C3orf38: variants seen among roughly 807,000 people sequenced by gnomAD.
C3orf38 encodes uncharacterized protein C3orf38.
In C3orf38, 18 loss-of-function variants were observed where a neutral mutation model predicts 28.3. The ratio of observed to expected loss-of-function variants is 0.64; its 90% confidence interval spans 0.44 to 0.94. C3orf38 has a LOEUF of 0.94. Among genes scored for constraint, C3orf38 ranks in the 40% least tolerant of loss-of-function variants. C3orf38 has a pLI of 0.00. For synonymous variants in C3orf38, 145 were observed against 138.1 expected (o/e 1.05, Z -0.35); for missense variants, 364 against 396.4 (o/e 0.92, Z 0.69).
At chr3:88,151,326 A>G (rs1260041192) in intron 1 of C3orf38, among the ~76,000 whole-genome samples, 1 of 151,994 alleles carries the variant, frequency 6.6e-6, no homozygotes, top group African/African-American at 2.4e-5. Context: ...ATATATATAT[A>G]TAAACTATAA....
intron 2 of C3orf38, among the ~76,000 whole-genome samples, chr3:88,154,581 G>T (rs1304111571): frequency 6.6e-6 from 1 of 152,150 alleles, no homozygotes; most frequent in African/African-American, 2.4e-5. Flanking sequence ...CAGTGAGAAA[G>T]CTTTGCCTTC....
chr3:88,156,751 T>C lies in C3orf38; in HGVS notation c.*116T>C, dbSNP rs1450431525. 2.9e-6 allele frequency: 3 copies of C among 1,038,988 alleles called. No homozygotes were observed. The highest frequency in any genetic ancestry group is 4.8e-5 in the East Asian group (2 of 41,808). 64.4% of individuals were successfully genotyped at this position (1,038,988 alleles called of 1,614,324 possible). A position where few individuals can be genotyped will look rare whatever the true frequency, so the allele number is the denominator to read the frequency against. ...TCTATACAGAAACTCTTCCAAATAC[T>C]ATATCAGTAATGTCTGAATGATTTC... is the stretch of plus-strand genomic sequence containing the variant. On this transcript the variant is annotated 3_prime_UTR_variant, in exon 3 of 3. Transcript: ENST00000318887.
chr3:88,155,975 T>C (rs1276776687), intron 2 of C3orf38, 46 bp from the exon 3 acceptor site: 1 of 1,424,240 alleles, frequency 7.0e-7, no homozygotes, highest in Admixed American at 2.4e-5. Context: ...GATATGAAAG[T>C]TAAACCTTAG....
rs1163523750 is a variant in C3orf38 at position 88,156,272 on chromosome 3, A to G, written c.627A>G (p.Glu209=). ...GTTTGCTGTCACTAGTAAAAGAAGA[A>G]TTTCTTTTTCTCAGCCCCAACCTAG... ...SLRLLSLVKE[E]FLFLSPNLDS... is the part of the protein sequence containing the mutation. Residue 209 remains glutamate, a synonymous_variant, in exon 3 of 3, where the codon GAA becomes GAG. Transcript: ENST00000318887. 1 of 1,614,176 alleles carries G rather than the reference A, an allele frequency of 6.2e-7. No individual in the cohort carries two copies.
chr3:88,155,489 C>T (rs1410422958), intron 2 of C3orf38, among the ~76,000 whole-genome samples: 16 of 144,560 alleles, frequency 1.1e-4, no homozygotes, highest in African/African-American at 2.5e-4. Flanking sequence ...CACGGAGTCT[C>T]GCTCTGTTGC....
rs1707502664 is a variant in C3orf38, at chr3:88,157,955, G to T, written c.*1320G>T. ...TTAATAAAGGAGGGAAATCCCTTTT[G>T]TCTGCTATAAGAATAGTGTATCGTT... On this transcript the variant is annotated 3_prime_UTR_variant, in exon 3 of 3. Coordinates refer to ENST00000318887, the MANE Select transcript of C3orf38 (RefSeq NM_173824.4). 1 of 152,082 alleles carries T rather than the reference G, an allele frequency of 6.6e-6. No individual in the cohort carries two copies. Among genetic ancestry groups the T allele is most frequent in the African/African-American group, 2.4e-5 (1 of 41,436 alleles). 9.4% of individuals were successfully genotyped at this position (152,082 alleles called of 1,614,324 possible). A position where few individuals can be genotyped will look rare whatever the true frequency, so the allele number is the denominator to read the frequency against.
chr3:88,155,945 A>G (rs1194064179), intron 2 of C3orf38, 76 bp from the exon 3 acceptor site: 1 of 1,201,678 alleles, frequency 8.3e-7, no homozygotes, highest in East Asian at 2.5e-5. Context: ...TTCAAACTTA[A>G]TAGGCTAGAT....
At chr3:88,152,897 A>G (rs1470019394) in intron 1 of C3orf38, among the ~76,000 whole-genome samples, 20 of 152,302 alleles carry the variant, frequency 1.3e-4, no homozygotes, top group African/African-American at 4.8e-4. Flanking sequence ...GAGGTTGTGC[A>G]TGAATTTAGG....
In C3orf38 at chr3:88,150,203, A is replaced by C. The variant is rs1576368065; in HGVS notation, c.133+18A>C. 1 of 1,612,476 alleles carries C rather than the reference A, an allele frequency of 6.2e-7. No homozygotes were observed. ...CCGCCAAGGTAAGGGCGGACCCTTC[A>C]CCTAGAAGGCTGCCGCCCCTTCCCC... is the stretch of plus-strand genomic sequence containing the variant. On this transcript the variant is annotated intron_variant, in intron 1 of 2. Coordinates refer to ENST00000318887, the MANE Select transcript of C3orf38 (RefSeq NM_173824.4).
Position 88,153,211 on chromosome 3 carries a change from C to A in C3orf38, c.134-19C>A. 1 of 1,593,660 alleles carries A rather than the reference C, an allele frequency of 6.3e-7. No individual in the cohort carries two copies. Among genetic ancestry groups the A allele is most frequent in the South Asian group, 1.1e-5 (1 of 89,264 alleles). ...AAGTGCCTCATGATTTTTTATTAAT[C>A]TTTGCAATTTCTTTCTAGATGCTGT... On this transcript the variant is annotated intron_variant, in intron 1 of 2. Coordinates refer to ENST00000318887, the MANE Select transcript of C3orf38 (RefSeq NM_173824.4).
rs1454096561 is a variant in C3orf38, at chr3:88,150,159, G to A, written c.107G>A (p.Arg36His). 6.2e-7 allele frequency: 1 copy of A among 1,614,086 alleles called. No homozygotes were observed. Among genetic ancestry groups the A allele is most frequent in the East Asian group, 2.2e-5 (1 of 44,846 alleles). ...IMALCDTVTN[R>H]LVQPQDRQDA... ...GCCCTATGCGACACTGTCACCAACCGCCTGGTGCAGCCTCAGGACCGCCAA... is the reference window on the plus strand; with the variant it reads ...GCCCTATGCGACACTGTCACCAACCACCTGGTGCAGCCTCAGGACCGCCAA... The change falls in exon 1 of 3, where the codon CGC becomes CAC. Residue 36 changes from arginine to histidine, a missense_variant. Arg to His is a conservative substitution (Grantham distance 29). Transcript: ENST00000318887.
In C3orf38 at chr3:88,156,096, G is replaced by A; in HGVS notation, c.451G>A (p.Gly151Arg). The change falls in exon 3 of 3, where the codon GGA becomes AGA. Residue 151 changes from glycine to arginine, a missense_variant. By Grantham distance (125) the Gly-to-Arg change is moderately radical. Coordinates refer to ENST00000318887, the MANE Select transcript of C3orf38 (RefSeq NM_173824.4). ...LGEEFCHWFF[G>R]LLNSQNPFLG... is the part of the protein sequence containing the mutation. ...AGAAGAATTCTGTCATTGGTTCTTTGGACTTCTTAATTCTCAGAATCCTTT... is the reference window on the plus strand; with the variant it reads ...AGAAGAATTCTGTCATTGGTTCTTTAGACTTCTTAATTCTCAGAATCCTTT... 3 of 1,600,558 alleles carry A rather than the reference G, an allele frequency of 1.9e-6. No individual in the cohort carries two copies. Among genetic ancestry groups the A allele is most frequent in the Non-Finnish European group, 2.6e-6 (3 of 1,175,022 alleles).
At chr3:88,151,329 A>T (rs1207284667) in intron 1 of C3orf38, among the ~76,000 whole-genome samples, 1 of 151,714 alleles carries the variant, frequency 6.6e-6, no homozygotes, top group Non-Finnish European at 1.5e-5. Flanking sequence ...TATATATATA[A>T]ACTATAAACT....
chr3:88,152,277 G>C (rs1707424487), intron 1 of C3orf38, among the ~76,000 whole-genome samples: 1 of 151,948 alleles, frequency 6.6e-6, no homozygotes, highest in Non-Finnish European at 1.5e-5. Context: ...TTAGCTGGGT[G>C]TGGTGGCACA....
Position 88,149,987 on chromosome 3 carries a change from A to G in C3orf38, c.-66A>G. The G allele has an allele frequency of 6.2e-7, 1 of 1,602,642 alleles. No homozygotes were observed. The highest frequency in any genetic ancestry group is 8.5e-7 in the Non-Finnish European group (1 of 1,171,206). Reference sequence around the variant, plus strand: ...AAAGGCACTTCCGGTGTCTGTTGCCAGGCGCGGGCCCAGTGGGCCGTAGGG... The same window carrying G: ...AAAGGCACTTCCGGTGTCTGTTGCCGGGCGCGGGCCCAGTGGGCCGTAGGG... On this transcript the variant is annotated 5_prime_UTR_variant, in exon 1 of 3. Coordinates refer to ENST00000318887, the MANE Select transcript of C3orf38 (RefSeq NM_173824.4).
rs1707492726 is a variant in C3orf38 at position 88,157,288 on chromosome 3, A to G, written c.*653A>G. On this transcript the variant is annotated 3_prime_UTR_variant, in exon 3 of 3. Coordinates refer to ENST00000318887, the MANE Select transcript of C3orf38 (RefSeq NM_173824.4). ...AGTTATCAGCTGTAGTCCAAGCTAA[A>G]TATCTTTTGTAATCTGCAACATTTT... 6.6e-6 allele frequency: 1 copy of G among 152,244 alleles called. No individual in the cohort carries two copies. Among genetic ancestry groups the G allele is most frequent in the Non-Finnish European group, 1.5e-5 (1 of 68,040 alleles). The allele number at this position is 152,244 out of a possible 1,614,324, so 9.4% of individuals were successfully genotyped here.
Position 88,156,240 on chromosome 3 carries a change from A to G in C3orf38, c.595A>G (p.Ser199Gly). The change falls in exon 3 of 3, where the codon AGC (serine) becomes GGC (glycine). Residue 199 changes from serine (S) to glycine (G), a missense_variant. Ser to Gly is a moderately conservative substitution (Grantham distance 56). Transcript: ENST00000318887. ...VMDYHGAEIV[S>G]LRLLSLVKEE... ...GGACTACCATGGAGCAGAAATCGTGAGCCTTCGTTTGCTGTCACTAGTAAA... is the reference window on the plus strand; with the variant it reads ...GGACTACCATGGAGCAGAAATCGTGGGCCTTCGTTTGCTGTCACTAGTAAA... The G allele has an allele frequency of 6.2e-7, 1 of 1,614,146 alleles. No homozygotes were observed. Among genetic ancestry groups the G allele is most frequent in the Admixed American group, 1.7e-5 (1 of 60,028 alleles).
rs1311383593 is a variant in C3orf38 at position 88,154,351 on chromosome 3, A to G, written c.375+880A>G. ...TTTTTCTTGATGCCCCCGCCCCCAC[A>G]TTGGAACCTAAATATTTTTTATACT... On this transcript the variant is annotated intron_variant, in intron 2 of 2. Coordinates refer to ENST00000318887, the MANE Select transcript of C3orf38 (RefSeq NM_173824.4). Among the ~76,000 whole-genome samples the G allele has an allele frequency of 3.5e-4, 51 of 146,964 alleles. 2 individuals carry two copies. In the Admixed American group the frequency reaches 3.5e-3, roughly 10 times the overall value.
chr3:88,150,253 CA>C (rs1434721415), intron 1 of C3orf38, 68 bp downstream of exon 1: 17 of 1,572,892 alleles, frequency 1.1e-5, no homozygotes, highest in Non-Finnish European at 1.5e-5. Flanking sequence ...CCCGCTTAGG[CA>C]GAATCCTCGG....
Sources: allele counts gnomAD v4.1 joint callset (sites outside exome capture counted in the v4.1 genomes callset), GRCh38; gene constraint gnomAD v4.1.1; transcripts MANE v1.5; gene names NCBI Gene and HGNC (gene_info 2026-07-23, HGNC 2026-07-21).